The following PCNX2 variants were observed in gnomAD, a reference collection of about 807,000 sequenced individuals.
PCNX2 encodes pecanex 2.
Under a neutral mutation model 223.8 loss-of-function variants are expected in PCNX2, and 168 were observed. The ratio of observed to expected loss-of-function variants is 0.75; its 90% CI spans 0.66 to 0.85. PCNX2 has a LOEUF of 0.85. Among genes scored for constraint, PCNX2 ranks in the 40% least tolerant of loss-of-function variants. PCNX2 has a pLI of 0.00. For missense variants in PCNX2, 2,507 were observed against 2,675.5 expected (o/e 0.94, Z 1.39); for synonymous variants, 1,006 against 1,052.6 (o/e 0.96, Z 0.86).
At chr1:233,034,343 T>C (rs1053795386) in intron 25 of PCNX2, among the ~76,000 whole-genome samples, 1 of 152,188 alleles carries the variant, frequency 6.6e-6, no homozygotes, top group African/African-American at 2.4e-5. Context: ...CTCTCTGTTA[T>C]GTGAGGACAC....
intron 17 of PCNX2, 22 bp downstream of exon 17, chr1:233,177,780 T>C (rs767188232): frequency 1.3e-6 from 2 of 1,593,106 alleles, no homozygotes; most frequent in East Asian, 4.5e-5. Context: ...CTATGCTACA[T>C]TACACAACGC....
intron 23 of PCNX2, among the ~76,000 whole-genome samples, chr1:233,073,597 A>C (rs1481471357): frequency 2.7e-5 from 4 of 150,930 alleles, no homozygotes; most frequent in Admixed American, 1.3e-4. Flanking sequence ...ATACCTGGTA[A>C]TATCTTTCTT....
At chr1:233,123,391 C>T (rs1296753380) in intron 21 of PCNX2, among the ~76,000 whole-genome samples, 1 of 152,052 alleles carries the variant, frequency 6.6e-6, no homozygotes, top group Non-Finnish European at 1.5e-5. Context: ...ACTAGCCTGG[C>T]CAACATGGTG....
intron 15 of PCNX2, among the ~76,000 whole-genome samples, chr1:233,191,192 CATTT>C (rs2102878727): frequency 6.6e-6 from 1 of 152,290 alleles, no homozygotes; most frequent in East Asian, 1.9e-4. Flanking sequence ...GGGCGTTCAG[CATTT>C]GTCAAATGCA....
chr1:233,214,964 A>G (rs968970904), intron 12 of PCNX2, among the ~76,000 whole-genome samples: 4 of 152,242 alleles, frequency 2.6e-5, no homozygotes, highest in African/African-American at 7.2e-5. Context: ...TGCTCTTAGA[A>G]GCACGCAAAA....
intron 25 of PCNX2, among the ~76,000 whole-genome samples, chr1:233,028,378 T>TC (rs1403987175): frequency 1.3e-5 from 2 of 152,348 alleles, no homozygotes; most frequent in East Asian, 3.9e-4. Context: ...TACTTTTAAT[T>TC]CAGTCAGTTT....
intron 19 of PCNX2, among the ~76,000 whole-genome samples, chr1:233,147,196 C>A (rs188106004): frequency 6.6e-6 from 1 of 152,050 alleles, no homozygotes; most frequent in Non-Finnish European, 1.5e-5. Flanking sequence ...GTCAAAAGTG[C>A]GAATTTAACG....
intron 19 of PCNX2, among the ~76,000 whole-genome samples, chr1:233,147,773 T>C (rs1443119195): frequency 4.3e-5 from 6 of 140,240 alleles, no homozygotes; most frequent in Admixed American, 2.2e-4. Flanking sequence ...CTGCATTCTA[T>C]ATGGCCACAA....
chr1:233,053,684 C>T (rs1170199225), intron 25 of PCNX2, among the ~76,000 whole-genome samples: 2 of 152,154 alleles, frequency 1.3e-5, no homozygotes, highest in South Asian at 2.1e-4. Flanking sequence ...TTCTGCATCC[C>T]GCATAACTCC....
intron 23 of PCNX2, chr1:233,065,792 C>A (rs1305291153): frequency 6.6e-6 from 1 of 152,164 alleles, no homozygotes; most frequent in African/African-American, 2.4e-5. Flanking sequence ...CCAAATACCA[C>A]AGATAAAACC....
upstream of PCNX2, among the ~76,000 whole-genome samples, chr1:233,296,320 T>C (rs548530262): frequency 4.9e-4 from 75 of 152,308 alleles, 1 homozygote; most frequent in South Asian, 0.016. Context: ...CTCCACTCCC[T>C]GTTGTCCAAC....
intron 1 of PCNX2, among the ~76,000 whole-genome samples, chr1:233,293,265 A>G (rs1661874896): frequency 6.6e-6 from 1 of 152,202 alleles, no homozygotes; most frequent in African/African-American, 2.4e-5. Flanking sequence ...TGGAAAATAT[A>G]TTGCTTTTAT....
chr1:233,018,984 TA>T (rs1367155972), intron 26 of PCNX2: 9 of 985,294 alleles, frequency 9.1e-6, no homozygotes, highest in Non-Finnish European at 1.1e-5. Context: ...AACCCTTTTC[TA>T]GGGGGGCCCC....
At chr1:233,055,002 T>C (rs1398702006) in intron 24 of PCNX2, among the ~76,000 whole-genome samples, 1 of 152,198 alleles carries the variant, frequency 6.6e-6, no homozygotes, top group African/African-American at 2.4e-5. Context: ...TATGAGTGTG[T>C]TCTGTTTCAC....
At chr1:233,204,250 C>T (rs780228918) in intron 13 of PCNX2, among the ~76,000 whole-genome samples, 2 of 152,040 alleles carry the variant, frequency 1.3e-5, no homozygotes, top group Middle Eastern at 3.2e-3. Flanking sequence ...AGAAGAATGC[C>T]GCCTACAAGC....
chr1:233,303,965 T>C, the PCNX2 span, among the ~76,000 whole-genome samples: 1 of 152,270 alleles, frequency 6.6e-6, no homozygotes, highest in African/African-American at 2.4e-5. Flanking sequence ...GAATATTTAG[T>C]CTGTTACATT....
At chr1:233,203,188 T>G (rs1017138287) in intron 13 of PCNX2, among the ~76,000 whole-genome samples, 1 of 152,208 alleles carries the variant, frequency 6.6e-6, no homozygotes, top group Non-Finnish European at 1.5e-5. Flanking sequence ...ACAGGCCATG[T>G]GGCTACACAC....
chr1:233,226,659 G>C (rs1657740445), intron 10 of PCNX2, among the ~76,000 whole-genome samples: 1 of 152,202 alleles, frequency 6.6e-6, no homozygotes, highest in Non-Finnish European at 1.5e-5. Flanking sequence ...TTGCTGTATG[G>C]AACAGTGGTA....
At chr1:233,296,309 C>T (rs917138635), upstream of PCNX2, among the ~76,000 whole-genome samples, 2 of 152,278 alleles carry the variant, frequency 1.3e-5, no homozygotes, top group Admixed American at 6.5e-5. Context: ...GACTGTTTCT[C>T]CTCCACTCCC....
Sources: gnomAD v4.1 joint callset for allele counts (sites outside exome capture counted in the v4.1 genomes callset) on GRCh38, gnomAD v4.1.1 for gene constraint, MANE v1.5 for transcripts, NCBI Gene and HGNC (gene_info 2026-07-23, HGNC 2026-07-21) for gene names.